Variants in GRID2 observed in about 807,000 individuals in gnomAD.
GRID2 encodes the protein glutamate ionotropic receptor delta type subunit 2, also known as glutamate receptor ionotropic, delta-2.
In GRID2, 33 loss-of-function variants were observed where a neutral mutation model predicts 114.8. The observed-to-expected ratio is 0.29, with a 90% CI of 0.22 to 0.38. The LOEUF is 0.38. Ranked by LOEUF, GRID2 falls within the 10% of genes least tolerant of loss-of-function variation. The pLI is 1.00. For synonymous variants in GRID2, 505 were observed against 449.9 expected, an observed-to-expected ratio of 1.12 and a Z score of -1.55; for missense variants, 1,184 against 1,257.7, an observed-to-expected ratio of 0.94 and a Z score of 0.89.
chr4:93,497,997 C>T (rs896434484), intron 12 of GRID2, among the ~76,000 whole-genome samples: 7 of 151,726 alleles, frequency 4.6e-5, no homozygotes, highest in African/African-American at 1.7e-4. Context: ...TTTATTTTAT[C>T]AGCACTTTAT....
intron 2 of GRID2, among the ~76,000 whole-genome samples, chr4:93,065,467 G>A (rs1203548994): frequency 6.6e-6 from 1 of 151,766 alleles, no homozygotes; most frequent in African/African-American, 2.4e-5. Flanking sequence ...AGAAGTGACT[G>A]TTTTTACTTT....
At chr4:93,288,608 C>T (rs960028450) in intron 8 of GRID2, among the ~76,000 whole-genome samples, 1 of 152,192 alleles carries the variant, frequency 6.6e-6, no homozygotes, top group Non-Finnish European at 1.5e-5. Context: ...GCTTCCTCAC[C>T]TATATACTTT....
At chr4:93,140,014 A>G (rs1735612014) in intron 4 of GRID2, among the ~76,000 whole-genome samples, 1 of 152,186 alleles carries the variant, frequency 6.6e-6, no homozygotes, top group Admixed American at 6.5e-5. Context: ...CTAATAAAGT[A>G]TAAACTTGAA....
chr4:92,423,478 G>C (rs1378841755), intron 1 of GRID2, among the ~76,000 whole-genome samples: 1 of 152,108 alleles, frequency 6.6e-6, no homozygotes, highest in Non-Finnish European at 1.5e-5. Context: ...AGTCCATAAT[G>C]TGTTTAGGGA....
intron 3 of GRID2, among the ~76,000 whole-genome samples, chr4:93,098,539 G>C (rs963626450): frequency 5.9e-5 from 9 of 151,908 alleles, no homozygotes; most frequent in African/African-American, 2.2e-4. Context: ...AAAAATAGTA[G>C]GTAAATTGTT....
chr4:93,419,271 G>A (rs1768030478), intron 9 of GRID2, among the ~76,000 whole-genome samples: 1 of 151,836 alleles, frequency 6.6e-6, no homozygotes, highest in Admixed American at 6.6e-5. Context: ...ACTATATTGA[G>A]TGTAGTACCT....
At chr4:93,515,545 A>T in intron 13 of GRID2, 134 bp downstream of exon 13, 2 of 624,358 alleles carry the variant, frequency 3.2e-6, no homozygotes, top group Non-Finnish European at 5.6e-6. Context: ...TTCCTGTTAC[A>T]ATGCATCTTA....
intron 3 of GRID2, among the ~76,000 whole-genome samples, chr4:93,097,153 C>T (rs901824139): frequency 3.3e-5 from 5 of 151,734 alleles, no homozygotes; most frequent in African/African-American, 9.7e-5. Flanking sequence ...GTCTGGAAAG[C>T]GACACAAAAT....
At chr4:92,471,778 C>G (rs1179440652) in intron 1 of GRID2, among the ~76,000 whole-genome samples, 1 of 152,048 alleles carries the variant, frequency 6.6e-6, no homozygotes, top group Admixed American at 6.6e-5. Context: ...ACTGCAATTC[C>G]ATACCCAGGA....
intron 2 of GRID2, among the ~76,000 whole-genome samples, chr4:92,941,380 T>C (rs765496806): frequency 2.0e-5 from 3 of 152,188 alleles, no homozygotes; most frequent in Non-Finnish European, 2.9e-5. Context: ...TATTCTCTGA[T>C]GGTAGTCTGT....
chr4:93,607,988 T>A (rs889032212), intron 13 of GRID2, among the ~76,000 whole-genome samples: 1 of 151,422 alleles, frequency 6.6e-6, no homozygotes, highest in South Asian at 2.1e-4. Flanking sequence ...AATGGTGTTT[T>A]TTCTCATACA....
chr4:93,542,631 C>T (rs1275326991), intron 13 of GRID2, among the ~76,000 whole-genome samples: 1 of 152,076 alleles, frequency 6.6e-6, no homozygotes, highest in Admixed American at 6.6e-5. Flanking sequence ...CACTTTCCCC[C>T]AAGGAAGATG....
At chr4:93,190,172 A>G (rs1018553248) in intron 4 of GRID2, among the ~76,000 whole-genome samples, 11 of 152,206 alleles carry the variant, frequency 7.2e-5, no homozygotes, top group Admixed American at 3.3e-4. Context: ...AAGGGAACTA[A>G]CACTTTTGTT....
At chr4:93,495,733 T>C (rs1249830344) in intron 12 of GRID2, among the ~76,000 whole-genome samples, 2 of 151,864 alleles carry the variant, frequency 1.3e-5, no homozygotes, top group East Asian at 3.9e-4. Context: ...TGTCTCTACT[T>C]TTTTCAAGGG....
rs1483066715 is a variant in GRID2 at position 92,698,989 on chromosome 4, AGTT to A, written c.244+108707_244+108709del. On this transcript the variant is annotated intron_variant, in intron 2 of 15. Coordinates refer to ENST00000282020, the MANE Select transcript of GRID2 (RefSeq NM_001510.4). Reference sequence around the variant, plus strand: ...CCCTGATATTTTTTTCTTCTCAACCAGTTGTTTTCTTATTTTGCACAACTGAAA... The same window carrying A: ...CCCTGATATTTTTTTCTTCTCAACCAGTTTTCTTATTTTGCACAACTGAAA... Among the ~76,000 whole-genome samples, 3 of 152,058 alleles carry A rather than the reference AGTT, an allele frequency of 2.0e-5. No individual in the cohort carries two copies. In the East Asian group the frequency reaches 5.8e-4, roughly 29 times the overall value.
At chr4:93,348,930 A>C (rs1251996525) in intron 8 of GRID2, among the ~76,000 whole-genome samples, 1 of 152,208 alleles carries the variant, frequency 6.6e-6, no homozygotes, top group East Asian at 1.9e-4. Context: ...GGTACTCAGC[A>C]GACCCAGGCA....
In GRID2 at chr4:92,718,761, C is replaced by CAAAAAAAAAAAAAAAAAAAAAAAAAA. The variant is rs3077559; in HGVS notation, c.244+128497_244+128498insAAAAAAAAAAAAAAAAAAAAAAAAAA. On this transcript the variant is annotated intron_variant, in intron 2 of 15. Coordinates refer to ENST00000282020, the MANE Select transcript of GRID2 (RefSeq NM_001510.4). ...CTAGGCAACAGAGTAAGACCCTGTC[C>CAAAAAAAAAAAAAAAAAAAAAAAAAA]AAAAAAAAAAAAAAAAAAAAAAGCC... Among the ~76,000 whole-genome samples the CAAAAAAAAAAAAAAAAAAAAAAAAAA allele has an allele frequency of 4.8e-5, 2 of 41,790 alleles. 1 individual carries two copies. The allele number at this position is 41,790 out of a possible 152,430, so 27.4% of individuals were successfully genotyped here.
At chr4:93,256,939 T>C (rs1749661661) in intron 8 of GRID2, among the ~76,000 whole-genome samples, 1 of 151,900 alleles carries the variant, frequency 6.6e-6, no homozygotes, top group South Asian at 2.1e-4. Context: ...CATTAGAGGA[T>C]TGTGACATAC....
intron 2 of GRID2, among the ~76,000 whole-genome samples, chr4:92,940,496 A>C (rs1296949018): frequency 1.3e-5 from 2 of 152,102 alleles, no homozygotes; most frequent in African/African-American, 2.4e-5. Context: ...CTAGATATAC[A>C]ATCCTGTCAT....
Sources: gnomAD v4.1 joint callset for allele counts (sites outside exome capture counted in the v4.1 genomes callset) on GRCh38, gnomAD v4.1.1 for gene constraint, MANE v1.5 for transcripts, NCBI Gene and HGNC (gene_info 2026-07-23, HGNC 2026-07-21) for gene names.